Variants in TSC22D3 observed in about 807,000 individuals in gnomAD.
The protein encoded by TSC22D3 is TSC22 domain family member 3, also known as TSC22 domain family protein 3.
A neutral mutation model predicts 11.1 loss-of-function variants in TSC22D3; 4 were observed. The observed-to-expected ratio is 0.36, with a 90% CI of 0.18 to 0.83. TSC22D3 has a LOEUF of 0.83. Ranked by LOEUF, TSC22D3 falls within the 40% of genes least tolerant of loss-of-function variation. The pLI is 0.48. For synonymous variants in TSC22D3, 77 were observed against 70.3 expected (o/e 1.10, Z -0.48); for missense variants, 118 against 159.4 (o/e 0.74, Z 1.40).
chrX:107,716,162 CTG>C, intron 1 of TSC22D3: 3 of 665,030 alleles, frequency 4.5e-6, no homozygotes, highest in Non-Finnish European at 6.4e-6. Context: ...CTCAGCGCTG[CTG>C]CCGCCGCCCC....
intron 1 of TSC22D3, among the ~76,000 whole-genome samples, chrX:107,768,738 C>T (rs749801915): frequency 1.1e-4 from 12 of 112,771 alleles, no homozygotes; most frequent in African/African-American, 3.5e-4. Flanking sequence ...AGTGGGCTGT[C>T]ACCATGACCA....
At chrX:107,773,704 C>A (rs941596121) in intron 1 of TSC22D3, among the ~76,000 whole-genome samples, 2 of 111,631 alleles carry the variant, frequency 1.8e-5, no homozygotes, top group Non-Finnish European at 3.8e-5. Flanking sequence ...CCGAGGAATA[C>A]GACTTGTTAT....
chrX:107,758,883 T>A (rs1040641352), intron 1 of TSC22D3, among the ~76,000 whole-genome samples: 13 of 110,798 alleles, frequency 1.2e-4, no homozygotes, highest in African/African-American at 4.3e-4. Flanking sequence ...TCCTTGATTT[T>A]TTTTTTTCTT....
At chrX:107,720,117 A>G (rs1417763459) in intron 1 of TSC22D3, among the ~76,000 whole-genome samples, 2 of 109,934 alleles carry the variant, frequency 1.8e-5, no homozygotes, top group Non-Finnish European at 3.8e-5. Context: ...GCAACTCTTA[A>G]TTAACTCCTT....
At chrX:107,722,788 T>C (rs1333359498) in intron 1 of TSC22D3, among the ~76,000 whole-genome samples, 1 of 111,994 alleles carries the variant, frequency 8.9e-6, no homozygotes, top group African/African-American at 3.3e-5. Flanking sequence ...CCTTGGTAAA[T>C]GGAGTCACTG....
At chrX:107,741,500 C>A (rs1390365104) in intron 1 of TSC22D3, among the ~76,000 whole-genome samples, 2 of 112,902 alleles carry the variant, frequency 1.8e-5, no homozygotes, top group Admixed American at 1.9e-4. Flanking sequence ...GGCAAAGTTG[C>A]TGAGGTTGCT....
intron 1 of TSC22D3, among the ~76,000 whole-genome samples, chrX:107,718,003 T>G (rs1279812507): frequency 8.9e-6 from 1 of 112,076 alleles, no homozygotes; most frequent in Non-Finnish European, 1.9e-5. Flanking sequence ...AAGGTATACA[T>G]TTATATAAAC....
chrX:107,773,727 G>A (rs1477820964), intron 1 of TSC22D3, among the ~76,000 whole-genome samples: 1 of 111,821 alleles, frequency 8.9e-6, no homozygotes, highest in East Asian at 2.8e-4. Flanking sequence ...TAACACTAAC[G>A]AGGTTAGCGG....
intron 1 of TSC22D3, among the ~76,000 whole-genome samples, chrX:107,756,991 G>C (rs1435287284): frequency 8.9e-6 from 1 of 112,270 alleles, no homozygotes; most frequent in Non-Finnish European, 1.9e-5. Flanking sequence ...TCTAGAATCT[G>C]TTCCCCGGTG....
chrX:107,724,273 A>G (rs1927499140), intron 1 of TSC22D3, among the ~76,000 whole-genome samples: 1 of 112,886 alleles, frequency 8.9e-6, no homozygotes, highest in African/African-American at 3.2e-5. Context: ...ACAGAAAGAA[A>G]AGGAGAAACA....
At chrX:107,735,055 A>G (rs1928068859) in intron 1 of TSC22D3, among the ~76,000 whole-genome samples, 1 of 110,354 alleles carries the variant, frequency 9.1e-6, no homozygotes, top group African/African-American at 3.3e-5. Flanking sequence ...TGCCACAAAC[A>G]TGGGTCCTGT....
chrX:107,749,237 C>A (rs1002278507), intron 1 of TSC22D3, among the ~76,000 whole-genome samples: 1 of 107,436 alleles, frequency 9.3e-6, no homozygotes, highest in African/African-American at 3.4e-5. Context: ...ATTAGCCGGG[C>A]GTAGTGGTAG....
At chrX:107,763,699 A>G (rs779745077) in intron 1 of TSC22D3, among the ~76,000 whole-genome samples, 25 of 111,453 alleles carry the variant, frequency 2.2e-4, no homozygotes, top group Non-Finnish European at 3.8e-4. Context: ...ACAACCCCCC[A>G]TTTCTTTTTC....
At chrX:107,716,597 G>C in intron 1 of TSC22D3, 4 of 880,910 alleles carry the variant, frequency 4.5e-6, no homozygotes, top group Middle Eastern at 5.6e-4. Context: ...AACAGGGACC[G>C]GCGGCACACA....
chrX:107,744,391 G>A (rs1928559981), intron 1 of TSC22D3, among the ~76,000 whole-genome samples: 1 of 110,945 alleles, frequency 9.0e-6, no homozygotes, highest in Non-Finnish European at 1.9e-5. Context: ...TGAGGCGGGC[G>A]GATTGCTTGA....
At chrX:107,733,577 T>G (rs1326452753) in intron 1 of TSC22D3, among the ~76,000 whole-genome samples, 4 of 108,838 alleles carry the variant, frequency 3.7e-5, no homozygotes, top group Non-Finnish European at 7.6e-5. Context: ...CCATCCATCC[T>G]GTCCCCTCAA....
chrX:107,773,876 T>G (rs1930017307), intron 1 of TSC22D3, among the ~76,000 whole-genome samples: 1 of 111,823 alleles, frequency 8.9e-6, no homozygotes, highest in African/African-American at 3.3e-5. Flanking sequence ...CTTTTAAAAT[T>G]TCCTATTTGA....
rs1347406734 is a variant in TSC22D3 at position 107,713,572 on chromosome X, G to C, written c.*947C>G. 8.9e-6 allele frequency: 1 copy of C among 112,971 alleles called. No homozygotes were observed. The highest frequency in any genetic ancestry group is 3.2e-5 in the African/African-American group (1 of 30,939). The allele number at this position is 112,971 out of a possible 1,213,427, so 9.3% of individuals were successfully genotyped here. On this transcript the variant is annotated 3_prime_UTR_variant, in exon 3 of 3. Transcript: ENST00000372383. ...TATGTAGTCAGCACCAGTGAATGGT[G>C]GGTTTGGCATTCAAAACAGGACTTC...
At chrX:107,771,585 A>AAAAT (rs1443534735) in intron 1 of TSC22D3, among the ~76,000 whole-genome samples, 1 of 111,925 alleles carries the variant, frequency 8.9e-6, no homozygotes, top group African/African-American at 3.3e-5. Context: ...ACTCCGTCTC[A>AAAAT]AAATAAATAA....
Sources: allele counts gnomAD v4.1 joint callset (sites outside exome capture counted in the v4.1 genomes callset), GRCh38; gene constraint gnomAD v4.1.1; transcripts MANE v1.5; gene names NCBI Gene and HGNC (gene_info 2026-07-23, HGNC 2026-07-21).